BSND: variants seen among roughly 807,000 people sequenced by gnomAD.
The protein encoded by BSND is barttin CLCNK type accessory subunit beta, also known as barttin.
A neutral mutation model predicts 18.8 loss-of-function variants in BSND; 13 were observed. The observed-to-expected ratio is 0.69, with a 90% CI of 0.45 to 1.10. The LOEUF (loss-of-function observed/expected upper bound fraction) is 1.10. Among genes scored for constraint, BSND ranks in the 50% least tolerant of loss-of-function variants. The probability of loss-of-function intolerance (pLI) is 0.00; values close to 1 mark genes in which losing one functional copy is unlikely to be tolerated. For synonymous variants in BSND, 170 were observed against 161.8 expected, an observed-to-expected ratio of 1.05 and a Z score of -0.39; for missense variants, 379 against 416.7, an observed-to-expected ratio of 0.91 and a Z score of 0.79.
chr1:54,999,486 T>C, intron 1 of BSND, 123 bp downstream of exon 1: 4 of 1,029,786 alleles, frequency 3.9e-6, no homozygotes, highest in Non-Finnish European at 5.5e-6. Context: ...TCATTTTGAC[T>C]CGGTCTTCTC....
Position 55,013,243 on chromosome 1 carries a change from A to G in BSND, c.*4615A>G, listed in dbSNP as rs1428721460. ...CAATGGCGCAATCTCAGCTTGCTGC[A>G]ACCTCCACCTCCCGGGTTCAAGTGA... is the stretch of plus-strand genomic sequence containing the variant. On this transcript the variant is annotated 3_prime_UTR_variant, in exon 4 of 4. Transcript: ENST00000651561. Among the ~76,000 whole-genome samples, 1 of 152,130 alleles carries G rather than the reference A, an allele frequency of 6.6e-6. No homozygotes were observed. The highest frequency in any genetic ancestry group is 1.5e-5 in the Non-Finnish European group (1 of 68,030).
At position 55,013,432 on chromosome 1, in the gene BSND, G is replaced by A. The variant is rs1644432544; in HGVS notation, c.*4804G>A. On this transcript the variant is annotated 3_prime_UTR_variant, in exon 4 of 4. Transcript: ENST00000651561. ...CCCGCCTCAGCCTCCCAAAGTGCTG[G>A]CATTACAGGTGTGAGTCACTGCACC... Among the ~76,000 whole-genome samples the A allele has an allele frequency of 6.6e-6, 1 of 152,140 alleles. No homozygotes were observed. The highest frequency in any genetic ancestry group is 2.4e-5 in the African/African-American group (1 of 41,422).
In BSND at chr1:55,009,082, G is replaced by T; in HGVS notation, c.*454G>T. The stretch of plus-strand genomic sequence containing the variant: ...TCTCCTCCTGGGCCACATTCCTCCT[G>T]CAGCTCCCATCGCTCCTTGGCCAGG... On this transcript the variant is annotated 3_prime_UTR_variant, in exon 4 of 4. Transcript: ENST00000651561. 4.3e-6 allele frequency: 1 copy of T among 234,714 alleles called. No individual in the cohort carries two copies. The highest frequency in any genetic ancestry group is 1.2e-4 in the East Asian group (1 of 8,694). 14.5% of individuals were successfully genotyped at this position (234,714 alleles called of 1,614,324 possible). A position where few individuals can be genotyped will look rare whatever the true frequency, so the allele number is the denominator to read the frequency against.
chr1:54,999,470 T>C, intron 1 of BSND, 107 bp downstream of exon 1: 1 of 1,209,800 alleles, frequency 8.3e-7, no homozygotes. Flanking sequence ...TGTCTTTTCA[T>C]TCTTCTCATT....
At position 55,013,456 on chromosome 1, in the gene BSND, C is replaced by T. The variant is rs1309749675; in HGVS notation, c.*4828C>T. Reference sequence around the variant, plus strand: ...GGCATTACAGGTGTGAGTCACTGCACCCAGCTGTCCCCATTTTATAGATGA... The same window carrying T: ...GGCATTACAGGTGTGAGTCACTGCATCCAGCTGTCCCCATTTTATAGATGA... On this transcript the variant is annotated 3_prime_UTR_variant, in exon 4 of 4. Transcript: ENST00000651561. Among the ~76,000 whole-genome samples the T allele has an allele frequency of 6.6e-6, 1 of 152,148 alleles. No individual in the cohort carries two copies. The highest frequency in any genetic ancestry group is 1.5e-5 in the Non-Finnish European group (1 of 68,032).
Position 55,011,024 on chromosome 1 carries a change from G to A in BSND, c.*2396G>A, listed in dbSNP as rs138842353. On this transcript the variant is annotated 3_prime_UTR_variant, in exon 4 of 4. Coordinates refer to ENST00000651561, the MANE Select transcript of BSND (RefSeq NM_057176.3). Reference sequence around the variant, plus strand: ...CCCTCACTGCAGTGGCATGACCGTGGGGTGTGCTGTGTGGTGCTGAATCTC... The same window carrying A: ...CCCTCACTGCAGTGGCATGACCGTGAGGTGTGCTGTGTGGTGCTGAATCTC... 5.2e-5 allele frequency: 8 copies of A among 152,388 alleles called. No individual in the cohort carries two copies. Among genetic ancestry groups the A allele is most frequent in the African/African-American group, 1.7e-4 (7 of 41,590 alleles). 9.4% of individuals were successfully genotyped at this position (152,388 alleles called of 1,614,324 possible). A position where few individuals can be genotyped will look rare whatever the true frequency, so the allele number is the denominator to read the frequency against.
Position 55,007,069 on chromosome 1 carries a change from C to T in BSND, c.345C>T (p.Ser115=). ...AAYDQSLPDF[S]HIQMKVMSYS... ...ATGACCAGAGCCTGCCTGACTTCAG[C>T]CACATCCAGATGAAAGTCATGAGCT... The change falls in exon 3 of 4, where the codon AGC becomes AGT. Residue 115 remains serine, a synonymous_variant. Coordinates refer to ENST00000651561, the MANE Select transcript of BSND (RefSeq NM_057176.3). 6.2e-7 allele frequency: 1 copy of T among 1,614,202 alleles called. No individual in the cohort carries two copies. The highest frequency in any genetic ancestry group is 1.1e-5 in the South Asian group (1 of 91,078).
At chr1:55,007,525 C>T (rs984031117) in intron 3 of BSND, among the ~76,000 whole-genome samples, 6 of 152,112 alleles carry the variant, frequency 3.9e-5, no homozygotes, top group Non-Finnish European at 7.4e-5. Flanking sequence ...GCCTCAGTTT[C>T]CCCACACAGG....
At chr1:55,001,038 T>C (rs1019636975) in intron 1 of BSND, among the ~76,000 whole-genome samples, 1 of 152,160 alleles carries the variant, frequency 6.6e-6, no homozygotes, top group African/African-American at 2.4e-5. Flanking sequence ...TCACGTGCTG[T>C]GGAGGCAGCG....
Position 55,010,916 on chromosome 1 carries a change from C to T in BSND, c.*2288C>T, listed in dbSNP as rs935492063. 6.6e-6 allele frequency: 1 copy of T among 152,236 alleles called. No homozygotes were observed. The highest frequency in any genetic ancestry group is 1.5e-5 in the Non-Finnish European group (1 of 68,048). 9.4% of individuals were successfully genotyped at this position (152,236 alleles called of 1,614,324 possible). ...TCTTCATTCACCTGCAAATTCTTTT[C>T]TTTAAAACCACCCCTTCCCTCGGGG... On this transcript the variant is annotated 3_prime_UTR_variant, in exon 4 of 4. Transcript: ENST00000651561.
In BSND at chr1:55,010,102, G is replaced by A. The variant is rs956118248; in HGVS notation, c.*1474G>A. 2 of 152,234 alleles carry A rather than the reference G, an allele frequency of 1.3e-5. No individual in the cohort carries two copies. The highest frequency in any genetic ancestry group is 6.5e-5 in the Admixed American group (1 of 15,286). The allele number at this position is 152,234 out of a possible 1,614,324, so 9.4% of individuals were successfully genotyped here. On this transcript the variant is annotated 3_prime_UTR_variant, in exon 4 of 4. Coordinates refer to ENST00000651561, the MANE Select transcript of BSND (RefSeq NM_057176.3). Reference sequence around the variant, plus strand: ...GCATCTACTATATGCCAGATATTGAGCTGTGATCTCTAGGGGTAAAGAGAC... The same window carrying A: ...GCATCTACTATATGCCAGATATTGAACTGTGATCTCTAGGGGTAAAGAGAC...
intron 2 of BSND, 76 bp downstream of exon 2, chr1:55,005,192 G>C (rs1644383554): frequency 7.2e-7 from 1 of 1,391,686 alleles, no homozygotes; most frequent in African/African-American, 1.4e-5. Context: ...AGAGTGAGAG[G>C]GAGGGCAGGA....
intron 2 of BSND, 54 bp downstream of exon 2, chr1:55,005,170 C>A: frequency 6.5e-7 from 1 of 1,543,106 alleles, no homozygotes; most frequent in South Asian, 1.1e-5. Context: ...GGCCAGTCTC[C>A]CCTGACTGAG....
chr1:55,006,374 C>CTGT, intron 2 of BSND, among the ~76,000 whole-genome samples: 1 of 152,278 alleles, frequency 6.6e-6, no homozygotes, highest in African/African-American at 2.4e-5. Context: ...TCCAGAGGGA[C>CTGT]TGTAGCACAG....
rs983001701 is a variant in BSND, at chr1:55,011,671, T to G, written c.*3043T>G. ...CAGTGCTCAGTGGCTTGGCGAGGGT[T>G]TAAGAAGCAGGCCTTTGCTCTGAAC... On this transcript the variant is annotated 3_prime_UTR_variant, in exon 4 of 4. Coordinates refer to ENST00000651561, the MANE Select transcript of BSND (RefSeq NM_057176.3). 1 of 152,188 alleles carries G rather than the reference T, an allele frequency of 6.6e-6. No homozygotes were observed. The highest frequency in any genetic ancestry group is 1.5e-5 in the Non-Finnish European group (1 of 68,042). The allele number at this position is 152,188 out of a possible 1,614,324, so 9.4% of individuals were successfully genotyped here. A position where few individuals can be genotyped will look rare whatever the true frequency, so the allele number is the denominator to read the frequency against.
At position 54,999,472 on chromosome 1, in the gene BSND, C is replaced by A. The variant is rs376659226; in HGVS notation, c.177+109C>A. 261 of 1,206,040 alleles carry A rather than the reference C, an allele frequency of 2.2e-4. 2 individuals are homozygous for A. The African/African-American group carries it at 3.7e-3, about 17-fold the overall frequency. 74.7% of individuals were successfully genotyped at this position (1,206,040 alleles called of 1,614,324 possible). A position where few individuals can be genotyped will look rare whatever the true frequency, so the allele number is the denominator to read the frequency against. Reference sequence around the variant, plus strand: ...CCTATCCTTTAGTTGTCTTTTCATTCTTCTCATTTTGACTCGGTCTTCTCT... The same window carrying A: ...CCTATCCTTTAGTTGTCTTTTCATTATTCTCATTTTGACTCGGTCTTCTCT... On this transcript the variant is annotated intron_variant, in intron 1 of 3. Transcript: ENST00000651561.
chr1:54,999,964 G>A (rs1644353509), intron 1 of BSND, among the ~76,000 whole-genome samples: 1 of 152,136 alleles, frequency 6.6e-6, no homozygotes, highest in Admixed American at 6.5e-5. Context: ...TGTATTCTCA[G>A]CCTTATGTGT....
rs756969977 is a variant in BSND, at chr1:55,007,207, C to T, written c.483C>T (p.Ala161=). The part of the protein sequence containing the change: ...PGDVQAWMEA[A]VVIHKGSDES... ...ACGTTCAGGCCTGGATGGAGGCTGC[C>T]GTGGTCATCCACAAGGGCTCAGACG... The change falls in exon 3 of 4, where the codon GCC becomes GCT. Residue 161 remains alanine, a synonymous_variant. Coordinates refer to ENST00000651561, the MANE Select transcript of BSND (RefSeq NM_057176.3). 2.3e-5 allele frequency: 37 copies of T among 1,613,942 alleles called. No individual in the cohort carries two copies. Among genetic ancestry groups the T allele is most frequent in the South Asian group, 1.5e-4 (14 of 91,086 alleles).
In BSND at chr1:55,013,769, A is replaced by T. The variant is rs369092865; in HGVS notation, c.*5141A>T. Among the ~76,000 whole-genome samples, 22 of 152,280 alleles carry T rather than the reference A, an allele frequency of 1.4e-4. No individual in the cohort carries two copies. The East Asian group carries it at 1.9e-3, about 13-fold the overall frequency. ...TAAAATTCAGATTCCTCAGGCTGGC[A>T]TTTGAGGCCCTTCATGATCTGGCCC... is the stretch of plus-strand genomic sequence containing the variant. On this transcript the variant is annotated 3_prime_UTR_variant, in exon 4 of 4. Coordinates refer to ENST00000651561, the MANE Select transcript of BSND (RefSeq NM_057176.3).
Sources: gnomAD v4.1 joint callset for allele counts (sites outside exome capture counted in the v4.1 genomes callset) on GRCh38, gnomAD v4.1.1 for gene constraint, MANE v1.5 for transcripts, NCBI Gene and HGNC (gene_info 2026-07-23, HGNC 2026-07-21) for gene names.